Variants in TRANK1 observed in about 807,000 individuals in gnomAD.
TRANK1 encodes the protein tetratricopeptide repeat and ankyrin repeat containing 1, also known as TPR and ankyrin repeat-containing protein 1.
Under a neutral mutation model 266.0 loss-of-function variants are expected in TRANK1, and 198 were observed. That is an observed-to-expected ratio of 0.74 (90% CI 0.66 to 0.84). TRANK1 has a LOEUF of 0.84. Among genes scored for constraint, TRANK1 ranks in the 40% least tolerant of loss-of-function variants. TRANK1 has a pLI of 0.00. For synonymous variants in TRANK1, 1,396 were observed against 1,384.1 expected, an observed-to-expected ratio of 1.01 and a Z score of -0.19; for missense variants, 3,326 against 3,634.6, an observed-to-expected ratio of 0.92 and a Z score of 2.18.
chr3:36,838,138 C>T (rs951135154), intron 20 of TRANK1, among the ~76,000 whole-genome samples: 2 of 152,122 alleles, frequency 1.3e-5, no homozygotes, highest in African/African-American at 4.8e-5. Flanking sequence ...AATATTAACA[C>T]AGACATTAAC....
Position 36,944,879 on chromosome 3 carries a change from G to C in TRANK1, c.-70C>G, listed in dbSNP as rs2080551120. On this transcript the variant is annotated 5_prime_UTR_variant, in exon 1 of 24. Transcript: ENST00000645898. ...AAGCGCTTCCCTGTGGGCAGGGCGC[G>C]GCGGGCAGTGCGGAAGCCCGAAAGC... 7.3e-7 allele frequency: 1 copy of C among 1,373,610 alleles called. No homozygotes were observed. The highest frequency in any genetic ancestry group is 9.4e-7 in the Non-Finnish European group (1 of 1,064,102). 85.1% of individuals were successfully genotyped at this position (1,373,610 alleles called of 1,614,324 possible). A position where few individuals can be genotyped will look rare whatever the true frequency, so the allele number is the denominator to read the frequency against.
At chr3:36,898,065 T>C (rs1360297457) in intron 4 of TRANK1, among the ~76,000 whole-genome samples, 1 of 152,238 alleles carries the variant, frequency 6.6e-6, no homozygotes, top group Non-Finnish European at 1.5e-5. Flanking sequence ...GGAGCACCCA[T>C]TATCAGCTTT....
In TRANK1 at chr3:36,856,529, T is replaced by C. The variant is rs746764208; in HGVS notation, c.3193A>G (p.Asn1065Asp). Residue 1065 changes from asparagine (N) to aspartate (D), a missense_variant, in exon 13 of 24, where the codon AAT becomes GAT. Physicochemically the swap from Asn to Asp is conservative, Grantham distance 23. Transcript: ENST00000645898. ...ATGATGGGCTCCAGTGGCCTGGGAT[T>C]GAGGTCGATCACCGCGTACTCAAGC... ...GELEYAVIDL[N>D]PRPLEPIILI... 1 of 1,613,992 alleles carries C rather than the reference T, an allele frequency of 6.2e-7. No individual in the cohort carries two copies. The highest frequency in any genetic ancestry group is 8.5e-7 in the Non-Finnish European group (1 of 1,179,882).
At position 36,838,623 on chromosome 3, in the gene TRANK1, C is replaced by T; in HGVS notation, c.5374G>A (p.Val1792Ile). Residue 1792 changes from valine (V) to isoleucine (I), a missense_variant, in exon 19 of 24, where the codon GTC becomes ATC. Transcript: ENST00000645898. Reference sequence around the variant, plus strand: ...TCCCAAGACTCTTACTTGGGGCTGACTTTCTTGGATTTCATGCTCAGGGCA... The same window carrying T: ...TCCCAAGACTCTTACTTGGGGCTGATTTTCTTGGATTTCATGCTCAGGGCA... ...DTALSMKSKK[V>I]SPKEKQLEYL... 6.2e-7 allele frequency: 1 copy of T among 1,613,952 alleles called. No individual in the cohort carries two copies. Among genetic ancestry groups the T allele is most frequent in the South Asian group, 1.1e-5 (1 of 91,064 alleles).
chr3:36,931,330 T>C (rs1261974280), intron 1 of TRANK1, among the ~76,000 whole-genome samples: 1 of 152,210 alleles, frequency 6.6e-6, no homozygotes, highest in Non-Finnish European at 1.5e-5. Flanking sequence ...AAAATATATT[T>C]GAAAAAGCAA....
At chr3:36,921,360 C>T (rs968044738) in intron 1 of TRANK1, among the ~76,000 whole-genome samples, 1 of 152,204 alleles carries the variant, frequency 6.6e-6, no homozygotes, top group Admixed American at 6.5e-5. Context: ...TCACATCCTC[C>T]TATAGAAGTA....
rs1559449935 is a variant in TRANK1 at position 36,880,082 on chromosome 3, A to AAACATACAAATATATG, written c.908-5787_908-5786insCATATATTTGTATGTT. 215 of 90,526 alleles carry AAACATACAAATATATG rather than the reference A, an allele frequency of 2.4e-3. 52 individuals are homozygous for AAACATACAAATATATG. The highest frequency in any genetic ancestry group is 4.6e-3 in the Non-Finnish European group (189 of 40,846). The allele number at this position is 90,526 out of a possible 1,614,324, so 5.6% of individuals were successfully genotyped here. A position where few individuals can be genotyped will look rare whatever the true frequency, so the allele number is the denominator to read the frequency against. ...AATATATGTAAACATGCAAATATAT[A>AAACATACAAATATATG]TAAACATATATAAATATATATAAAC... On this transcript the variant is annotated intron_variant, in intron 8 of 23. Transcript: ENST00000645898.
At chr3:36,941,840 A>C (rs2125674279) in intron 1 of TRANK1, among the ~76,000 whole-genome samples, 1 of 152,226 alleles carries the variant, frequency 6.6e-6, no homozygotes, top group East Asian at 1.9e-4. Flanking sequence ...CTCAGGCAGC[A>C]CTCCAAGGAA....
chr3:36,857,274 G>A lies in TRANK1; in HGVS notation c.2448C>T (p.Asp816=). ...AGGCCTCAATCTCCTGCGTGCTCCA[G>A]TCATCCTGATCATCATTGCCCTCCT... The part of the protein sequence containing the change: ...RGKEGNDDQD[D]WSTQEIEACL... Residue 816 remains aspartate, a synonymous_variant, in exon 13 of 24, where the codon GAC becomes GAT. Transcript: ENST00000645898. This position sits in a 1 kb window ranked among gnomAD's most constrained non-coding sequence, Gnocchi z 4.3. The A allele has an allele frequency of 4.3e-6, 7 of 1,611,002 alleles. No individual in the cohort carries two copies. The highest frequency in any genetic ancestry group is 5.9e-6 in the Non-Finnish European group (7 of 1,178,388).
intron 7 of TRANK1, among the ~76,000 whole-genome samples, 161 bp downstream of exon 7, chr3:36,892,041 C>T (rs970455158): frequency 3.3e-5 from 5 of 152,348 alleles, no homozygotes; most frequent in African/African-American, 1.2e-4. Context: ...AAAAATGATA[C>T]TATTTTCCTG....
At chr3:36,891,036 G>C (rs896360802) in intron 7 of TRANK1, among the ~76,000 whole-genome samples, 4 of 152,208 alleles carry the variant, frequency 2.6e-5, no homozygotes, top group African/African-American at 9.7e-5. Context: ...ACCAATCTCT[G>C]TGTAAGAATA....
chr3:36,867,760 C>T (rs1322886790), intron 9 of TRANK1, among the ~76,000 whole-genome samples: 1 of 152,226 alleles, frequency 6.6e-6, no homozygotes, highest in Non-Finnish European at 1.5e-5. Flanking sequence ...TAAAACTATA[C>T]TTTTACAAAT....
In TRANK1 at chr3:36,856,495, C is replaced by T; in HGVS notation, c.3227G>A (p.Gly1076Glu). The T allele has an allele frequency of 1.9e-6, 3 of 1,613,990 alleles. No individual in the cohort carries two copies. The highest frequency in any genetic ancestry group is 1.7e-6 in the Non-Finnish European group (2 of 1,179,898). ...GGTTGTCTTCCCAGTGCCACTTCGCCCAATAAGGATGATGGGCTCCAGTGG... is the reference window on the plus strand; with the variant it reads ...GGTTGTCTTCCCAGTGCCACTTCGCTCAATAAGGATGATGGGCTCCAGTGG... ...PRPLEPIILI[G>E]RSGTGKTTCC... is the part of the protein sequence containing the mutation. The change falls in exon 13 of 24, where the codon GGG becomes GAG. Residue 1076 changes from glycine (G) to glutamate (E), a missense_variant. By Grantham distance (98) the Gly-to-Glu change is moderately conservative. Coordinates refer to ENST00000645898, the MANE Select transcript of TRANK1 (RefSeq NM_001329998.2).
intron 17 of TRANK1, among the ~76,000 whole-genome samples, chr3:36,845,016 C>T (rs536620517): frequency 1.4e-3 from 205 of 151,820 alleles, no homozygotes; most frequent in Non-Finnish European, 2.2e-3. Flanking sequence ...AACTTCACTT[C>T]GTTAGGTAGC....
chr3:36,888,432 G>A (rs1281619035), intron 8 of TRANK1, among the ~76,000 whole-genome samples: 2 of 152,178 alleles, frequency 1.3e-5, no homozygotes, highest in African/African-American at 4.8e-5. Flanking sequence ...ACTCTGAATA[G>A]ATCAAAAAGC....
At chr3:36,941,888 G>C (rs1435266914) in intron 1 of TRANK1, among the ~76,000 whole-genome samples, 4 of 152,162 alleles carry the variant, frequency 2.6e-5, no homozygotes, top group Non-Finnish European at 4.4e-5. Flanking sequence ...GTCACTCTGA[G>C]GGCAAAGCAC....
At chr3:36,890,009 C>A in intron 7 of TRANK1, 49 bp from the exon 8 acceptor site, 2 of 1,526,930 alleles carry the variant, frequency 1.3e-6, no homozygotes, top group South Asian at 1.2e-5. Flanking sequence ...TACAGAAAGT[C>A]AGCAAAGTTA....
At chr3:36,865,921 C>A (rs2079210623) in intron 9 of TRANK1, among the ~76,000 whole-genome samples, 2 of 143,198 alleles carry the variant, frequency 1.4e-5, no homozygotes, top group African/African-American at 5.2e-5. Context: ...AGAGCAAGAC[C>A]CTGTCTCAAA....
At chr3:36,897,247 G>A (rs527509889) in intron 4 of TRANK1, among the ~76,000 whole-genome samples, 18 of 152,328 alleles carry the variant, frequency 1.2e-4, no homozygotes, top group African/African-American at 4.3e-4. Context: ...AGAGGTTGCA[G>A]TGAGCCTAGA....
Sources: allele counts gnomAD v4.1 joint callset (sites outside exome capture counted in the v4.1 genomes callset), GRCh38; gene constraint gnomAD v4.1.1; non-coding constraint Gnocchi (gnomAD v3.1); transcripts MANE v1.5; gene names NCBI Gene and HGNC (gene_info 2026-07-23, HGNC 2026-07-21).